Variants in EYS observed in about 807,000 individuals in gnomAD.
The protein encoded by EYS is EGF-like photoreceptor maintenance factor.
Under a neutral mutation model 282.1 loss-of-function variants are expected in EYS, and 250 were observed. That is an observed-to-expected ratio of 0.89 (90% CI 0.80 to 0.98). The LOEUF (loss-of-function observed/expected upper bound fraction) is 0.98. EYS is among the 50% of genes least tolerant of loss of function. The pLI is 0.00. For synonymous variants in EYS, 1,355 were observed against 1,282.9 expected (o/e 1.06, Z -1.20); for missense variants, 4,016 against 3,709.0 (o/e 1.08, Z -2.15).
At chr6:64,655,966 C>T (rs974284294) in intron 22 of EYS, among the ~76,000 whole-genome samples, 1 of 152,008 alleles carries the variant, frequency 6.6e-6, no homozygotes, top group Admixed American at 6.6e-5. Context: ...CCAAAAAATA[C>T]ATGTGATGGA....
At chr6:65,016,629 G>C (rs938703824) in intron 13 of EYS, among the ~76,000 whole-genome samples, 1 of 152,096 alleles carries the variant, frequency 6.6e-6, no homozygotes, top group Non-Finnish European at 1.5e-5. Flanking sequence ...CCACTATAAA[G>C]TTAAATAAAG....
intron 2 of EYS, among the ~76,000 whole-genome samples, chr6:65,520,194 A>T (rs1176753639): frequency 6.6e-6 from 1 of 152,000 alleles, no homozygotes; most frequent in Non-Finnish European, 1.5e-5. Context: ...TAATTTGAAA[A>T]CTCAGAAAGC....
intron 19 of EYS, among the ~76,000 whole-genome samples, chr6:64,845,458 C>T (rs1437473224): frequency 6.6e-6 from 1 of 151,966 alleles, no homozygotes; most frequent in Non-Finnish European, 1.5e-5. Context: ...TGAATCCTAT[C>T]ATTGATAGCA....
chr6:65,052,969 T>C (rs1773316520), intron 13 of EYS, among the ~76,000 whole-genome samples: 2 of 151,760 alleles, frequency 1.3e-5, no homozygotes, highest in Non-Finnish European at 3.0e-5. Context: ...TCAAAAAATA[T>C]ACAGCATTAA....
chr6:65,267,982 C>A (rs1249128187), intron 12 of EYS, among the ~76,000 whole-genome samples: 2 of 151,684 alleles, frequency 1.3e-5, no homozygotes, highest in Admixed American at 6.6e-5. Context: ...CACACACACA[C>A]AAAAGCATAT....
chr6:64,559,816 T>C (rs977735755), intron 26 of EYS, among the ~76,000 whole-genome samples: 1 of 152,100 alleles, frequency 6.6e-6, no homozygotes, highest in African/African-American at 2.4e-5. Context: ...ATAGGTAAAC[T>C]CGTGTCACAG....
intron 31 of EYS, among the ~76,000 whole-genome samples, chr6:64,148,188 G>T (rs1472749533): frequency 6.6e-6 from 1 of 151,956 alleles, no homozygotes; most frequent in Non-Finnish European, 1.5e-5. Flanking sequence ...TTAAAATTTT[G>T]TTGTATTTCA....
chr6:63,752,786 C>T (rs745820154), intron 41 of EYS, among the ~76,000 whole-genome samples: 20 of 152,060 alleles, frequency 1.3e-4, no homozygotes, highest in East Asian at 7.7e-4. Flanking sequence ...TGAGCCACCG[C>T]GCCTGCCCTT....
intron 36 of EYS, among the ~76,000 whole-genome samples, chr6:63,827,844 C>G: frequency 1.1e-5 from 1 of 89,110 alleles, no homozygotes; most frequent in Non-Finnish European, 2.2e-5. Flanking sequence ...GAGCAAGACT[C>G]CGTCTCAAAA....
chr6:65,020,815 C>T (rs974980207), intron 13 of EYS, among the ~76,000 whole-genome samples: 2 of 152,176 alleles, frequency 1.3e-5, no homozygotes, highest in African/African-American at 2.4e-5. Context: ...GTGGCGGTTT[C>T]CAAACCTCAA....
chr6:64,682,752 A>G (rs1769944483), intron 22 of EYS, among the ~76,000 whole-genome samples: 1 of 152,108 alleles, frequency 6.6e-6, no homozygotes, highest in Non-Finnish European at 1.5e-5. Flanking sequence ...TCACATACCC[A>G]CTTGGATTTC....
intron 26 of EYS, among the ~76,000 whole-genome samples, chr6:64,489,666 C>A (rs986745233): frequency 4.7e-5 from 7 of 149,684 alleles, no homozygotes; most frequent in Non-Finnish European, 7.5e-5. Flanking sequence ...CTTGTTAATG[C>A]AATGTTTCTT....
intron 22 of EYS, among the ~76,000 whole-genome samples, chr6:64,716,614 G>A (rs541941796): frequency 2.6e-5 from 4 of 152,204 alleles, no homozygotes; most frequent in South Asian, 2.1e-4. Context: ...CATGACAAAT[G>A]TCCTTAGCAA....
At chr6:65,331,583 T>C in intron 11 of EYS, 1 of 975,488 alleles carries the variant, frequency 1.0e-6, no homozygotes, top group Non-Finnish European at 1.2e-6. Context: ...ACAAAAATTT[T>C]GTAATTTATC....
chr6:64,166,053 C>G (rs1764281914), intron 31 of EYS, among the ~76,000 whole-genome samples: 1 of 152,142 alleles, frequency 6.6e-6, no homozygotes, highest in Non-Finnish European at 1.5e-5. Context: ...GGAGCTAATG[C>G]TGAATATTTC....
intron 12 of EYS, among the ~76,000 whole-genome samples, chr6:65,235,558 T>C (rs184460995): frequency 4.0e-4 from 61 of 152,262 alleles, no homozygotes; most frequent in African/African-American, 9.1e-4. Context: ...CAGTAGGAAA[T>C]TGAAGCATGA....
intron 12 of EYS, among the ~76,000 whole-genome samples, chr6:65,265,508 T>C (rs1582079689): frequency 6.6e-6 from 1 of 152,000 alleles, no homozygotes; most frequent in African/African-American, 2.4e-5. Context: ...ATATGTCTAT[T>C]ATTATATTTT....
chr6:65,231,588 A>T (rs1030346691), intron 12 of EYS, among the ~76,000 whole-genome samples: 2 of 151,860 alleles, frequency 1.3e-5, no homozygotes, highest in African/African-American at 4.8e-5. Context: ...ACACAAATGG[A>T]TGAACAGCAA....
intron 5 of EYS, among the ~76,000 whole-genome samples, chr6:65,432,116 T>C (rs1166699717): frequency 6.6e-6 from 1 of 152,166 alleles, no homozygotes; most frequent in Non-Finnish European, 1.5e-5. Context: ...CTCATATTTG[T>C]AGATAGAACA....
Sources: allele counts gnomAD v4.1 joint callset (sites outside exome capture counted in the v4.1 genomes callset), GRCh38; gene constraint gnomAD v4.1.1; transcripts MANE v1.5; gene names NCBI Gene and HGNC (gene_info 2026-07-23, HGNC 2026-07-21).